Variants in TMCC3 observed in about 807,000 individuals in gnomAD.
TMCC3 encodes the protein transmembrane and coiled-coil domain protein 3.
Under a neutral mutation model 40.2 loss-of-function variants are expected in TMCC3, and 28 were observed. That is an observed-to-expected ratio of 0.70 (90% CI 0.52 to 0.95). The LOEUF (loss-of-function observed/expected upper bound fraction) is 0.95. Among genes scored for constraint, TMCC3 ranks in the 40% least tolerant of loss-of-function variants. TMCC3 has a pLI of 0.00. For missense variants in TMCC3, 554 were observed against 615.2 expected (o/e 0.90, Z 1.05); for synonymous variants, 255 against 248.5 (o/e 1.03, Z -0.25).
At chr12:94,611,080 G>A (rs1324666931) in intron 1 of TMCC3, among the ~76,000 whole-genome samples, 1 of 152,098 alleles carries the variant, frequency 6.6e-6, no homozygotes, top group African/African-American at 2.4e-5. Flanking sequence ...GTCTCCTCCA[G>A]TGACCTATGA....
intron 1 of TMCC3, among the ~76,000 whole-genome samples, chr12:94,632,495 T>G (rs1341679378): frequency 6.6e-6 from 1 of 152,212 alleles, no homozygotes; most frequent in South Asian, 2.1e-4. Context: ...ATCAGCATCA[T>G]AAAAATTTTC....
At position 94,569,754 on chromosome 12, in the gene TMCC3, T is replaced by A. The variant is rs2068515790; in HGVS notation, c.*1681A>T. On this transcript the variant is annotated 3_prime_UTR_variant, in exon 4 of 4. Transcript: ENST00000261226. ...AGACTATGGAACATTCTGTCACATT[T>A]TTTTCCTTCAGGAGATTTCCCTAAG... is the stretch of plus-strand genomic sequence containing the variant. 6.6e-6 allele frequency: 1 copy of A among 152,186 alleles called. No individual in the cohort carries two copies. The allele number at this position is 152,186 out of a possible 1,614,324, so 9.4% of individuals were successfully genotyped here. A position where few individuals can be genotyped will look rare whatever the true frequency, so the allele number is the denominator to read the frequency against.
intron 1 of TMCC3, among the ~76,000 whole-genome samples, chr12:94,619,190 C>T (rs533610989): frequency 3.3e-5 from 5 of 152,286 alleles, no homozygotes; most frequent in South Asian, 4.1e-4. Context: ...ACAGCATCTC[C>T]GTGCTATTAT....
intron 1 of TMCC3, chr12:94,598,731 G>C (rs1199568981): frequency 2.0e-6 from 2 of 985,280 alleles, no homozygotes; most frequent in Non-Finnish European, 2.4e-6. Flanking sequence ...ACGTTTAAAG[G>C]CTCCAAAGAT....
chr12:94,592,027 A>G (rs1385929932), intron 1 of TMCC3, among the ~76,000 whole-genome samples: 2 of 152,178 alleles, frequency 1.3e-5, no homozygotes, highest in Admixed American at 6.5e-5. Flanking sequence ...AATATTCAAT[A>G]CCTACATTTG....
At chr12:94,605,657 T>C (rs2068778189) in intron 1 of TMCC3, among the ~76,000 whole-genome samples, 1 of 152,188 alleles carries the variant, frequency 6.6e-6, no homozygotes, top group Non-Finnish European at 1.5e-5. Flanking sequence ...TTCTACAGGC[T>C]CAATACTATT....
intron 3 of TMCC3, among the ~76,000 whole-genome samples, chr12:94,571,975 A>G (rs2068532417): frequency 1.3e-5 from 2 of 152,176 alleles, no homozygotes; most frequent in South Asian, 4.1e-4. Flanking sequence ...AATACCATAA[A>G]TGAGGAAGTA....
intron 1 of TMCC3, among the ~76,000 whole-genome samples, chr12:94,613,300 C>CAAT (rs77049120): frequency 0.22 from 32,980 of 150,204 alleles, 3,808 homozygotes; most frequent in Non-Finnish European, 0.24. Context: ...CTGTCTCTAC[C>CAAT]AATAATAATA....
rs879079966 is a variant in TMCC3 at position 94,567,963 on chromosome 12, T to C, written c.*3472A>G. 2 of 152,068 alleles carry C rather than the reference T, an allele frequency of 1.3e-5. No individual in the cohort carries two copies. Among genetic ancestry groups the C allele is most frequent in the African/African-American group, 4.8e-5 (2 of 41,386 alleles). 9.4% of individuals were successfully genotyped at this position (152,068 alleles called of 1,614,324 possible). On this transcript the variant is annotated 3_prime_UTR_variant, in exon 4 of 4. Coordinates refer to ENST00000261226, the MANE Select transcript of TMCC3 (RefSeq NM_020698.4). ...ACTGAGCCCATAATTAAACCTGATA[T>C]GCTAGAGAAATGGCAAGGCAATAAA...
intron 1 of TMCC3, among the ~76,000 whole-genome samples, chr12:94,594,237 TGA>T (rs1333213559): frequency 2.5e-5 from 3 of 118,050 alleles, no homozygotes; most frequent in South Asian, 2.7e-4. Context: ...ACACACAGAG[TGA>T]GAGAGAGAGA....
intron 1 of TMCC3, among the ~76,000 whole-genome samples, chr12:94,583,253 C>G (rs1399041827): frequency 6.6e-6 from 1 of 151,068 alleles, no homozygotes; most frequent in African/African-American, 2.4e-5. Context: ...ACCTATAATC[C>G]CAGCACTTTG....
At chr12:94,631,866 A>G (rs1294502454) in intron 1 of TMCC3, among the ~76,000 whole-genome samples, 1 of 152,256 alleles carries the variant, frequency 6.6e-6, no homozygotes, top group Non-Finnish European at 1.5e-5. Context: ...AGTAACATGA[A>G]AAAACAGGTA....
At chr12:94,646,523 C>T (rs2069019631) in intron 1 of TMCC3, among the ~76,000 whole-genome samples, 1 of 145,064 alleles carries the variant, frequency 6.9e-6, no homozygotes, top group African/African-American at 2.6e-5. Flanking sequence ...TCTGCAATCT[C>T]CGCCTCCCGG....
At chr12:94,608,316 C>T (rs2068795312) in intron 1 of TMCC3, among the ~76,000 whole-genome samples, 1 of 152,110 alleles carries the variant, frequency 6.6e-6, no homozygotes, top group African/African-American at 2.4e-5. Flanking sequence ...TAAATCTTTC[C>T]AACTGTTCTT....
At chr12:94,600,756 ACTT>A (rs748011416) in intron 1 of TMCC3, among the ~76,000 whole-genome samples, 4 of 152,036 alleles carry the variant, frequency 2.6e-5, no homozygotes, top group Admixed American at 2.0e-4. Context: ...TTTCCAAAGG[ACTT>A]CTTCTCCTTC....
chr12:94,615,675 G>A (rs537986014), intron 1 of TMCC3, among the ~76,000 whole-genome samples: 3 of 152,276 alleles, frequency 2.0e-5, no homozygotes, highest in Admixed American at 6.5e-5. Context: ...ACTCACACTG[G>A]ACTGACATTT....
At chr12:94,609,540 T>A (rs1222680952) in intron 1 of TMCC3, among the ~76,000 whole-genome samples, 1 of 152,224 alleles carries the variant, frequency 6.6e-6, no homozygotes, top group African/African-American at 2.4e-5. Flanking sequence ...CAGAGCCTCA[T>A]ATTAACAGTC....
Position 94,582,509 on chromosome 12 carries a change from G to A in TMCC3, c.108C>T (p.Ser36=). The A allele has an allele frequency of 1.2e-6, 2 of 1,611,272 alleles. No homozygotes were observed. Among genetic ancestry groups the A allele is most frequent in the Non-Finnish European group, 1.7e-6 (2 of 1,179,180 alleles). ...CCCCTCGGCGTATGTTCAGGGGCAG[G>A]CTTAAGGTATTCATGTCATGACGTT... ...RVERHDMNTL[S]LPLNIRRGGS... Residue 36 remains serine, a synonymous_variant, in exon 2 of 4, where the codon AGC becomes AGT. Transcript: ENST00000261226.
At chr12:94,601,395 A>C (rs956590630) in intron 1 of TMCC3, among the ~76,000 whole-genome samples, 1 of 152,066 alleles carries the variant, frequency 6.6e-6, no homozygotes, top group Admixed American at 6.6e-5. Flanking sequence ...GATGCCTGTA[A>C]TCCCAGCTAC....
Sources: allele counts gnomAD v4.1 joint callset (sites outside exome capture counted in the v4.1 genomes callset), GRCh38; gene constraint gnomAD v4.1.1; transcripts MANE v1.5; gene names NCBI Gene and HGNC (gene_info 2026-07-23, HGNC 2026-07-21).